The following UBE3A variants were observed in gnomAD, a reference collection of about 807,000 sequenced individuals.
UBE3A encodes ubiquitin protein ligase E3A, also known as ubiquitin-protein ligase E3A.
UBE3A carries 6 observed loss-of-function variants against 83.4 expected under a neutral mutation model. The observed-to-expected ratio is 0.07, with a 90% CI of 0.04 to 0.14. UBE3A has a LOEUF of 0.14. UBE3A is among the 10% of genes least tolerant of loss of function. The pLI is 1.00. For synonymous variants in UBE3A, 337 were observed against 355.4 expected, an observed-to-expected ratio of 0.95 and a Z score of 0.58; for missense variants, 456 against 1,036.1, an observed-to-expected ratio of 0.44 and a Z score of 7.69.
intron 4 of UBE3A, among the ~76,000 whole-genome samples, chr15:25,387,229 A>C (rs949391194): frequency 7.9e-5 from 12 of 152,242 alleles, no homozygotes; most frequent in African/African-American, 2.9e-4. Flanking sequence ...TTATTAGAAA[A>C]GAATTATCTA....
intron 4 of UBE3A, among the ~76,000 whole-genome samples, chr15:25,402,289 T>C (rs1214880778): frequency 6.6e-6 from 1 of 152,180 alleles, no homozygotes; most frequent in Non-Finnish European, 1.5e-5. Context: ...TCCTGGAGCC[T>C]TGGTACACAG....
chr15:25,336,957 T>G lies in UBE3A; in HGVS notation c.*2180A>C, dbSNP rs529050066. On this transcript the variant is annotated 3_prime_UTR_variant, in exon 13 of 13. Transcript: ENST00000648336. Reference sequence around the variant, plus strand: ...TGCTCTTCCTTATTGTTCAGGGACATTCCATTAAATAGTAATGAAAAGGCA... The same window carrying G: ...TGCTCTTCCTTATTGTTCAGGGACAGTCCATTAAATAGTAATGAAAAGGCA... 51 of 152,272 alleles carry G rather than the reference T, an allele frequency of 3.3e-4. No homozygotes were observed. The highest frequency in any genetic ancestry group is 1.2e-3 in the African/African-American group (48 of 41,566). The allele number at this position is 152,272 out of a possible 1,614,324, so 9.4% of individuals were successfully genotyped here.
intron 11 of UBE3A, among the ~76,000 whole-genome samples, chr15:25,343,302 A>T (rs1395082794): frequency 3.3e-5 from 5 of 152,250 alleles, no homozygotes; most frequent in Non-Finnish European, 7.3e-5. Flanking sequence ...AGAAAAATTC[A>T]GTCATAAACA....
At chr15:25,343,076 AAGCAAC>A (rs1312665913) in intron 11 of UBE3A, among the ~76,000 whole-genome samples, 3 of 152,154 alleles carry the variant, frequency 2.0e-5, no homozygotes, top group Admixed American at 1.3e-4. Flanking sequence ...GCCCTTACTA[AAGCAAC>A]AGAAGAGGGA....
intron 1 of UBE3A, chr15:25,418,425 T>C (rs1433688876): frequency 1.3e-5 from 2 of 152,116 alleles, no homozygotes; most frequent in African/African-American, 4.8e-5. Flanking sequence ...CCTTAACAGA[T>C]GAAGTCACAA....
At chr15:25,349,447 G>C (rs2076184564) in intron 11 of UBE3A, among the ~76,000 whole-genome samples, 2 of 151,760 alleles carry the variant, frequency 1.3e-5, no homozygotes. Flanking sequence ...AGACACTTAA[G>C]AAAATGAAAA....
intron 7 of UBE3A, among the ~76,000 whole-genome samples, chr15:25,360,099 C>T (rs751676760): frequency 1.3e-5 from 2 of 152,164 alleles, no homozygotes; most frequent in Non-Finnish European, 2.9e-5. Flanking sequence ...ATCCCTCCAA[C>T]TGTTCCAATA....
At chr15:25,362,924 T>TA (rs1422360440) in intron 6 of UBE3A, among the ~76,000 whole-genome samples, 2 of 152,194 alleles carry the variant, frequency 1.3e-5, no homozygotes, top group Admixed American at 6.5e-5. Context: ...ATCTGGTATT[T>TA]AGACTGTGCA....
chr15:25,427,184 AGAT>A (rs199513484), intron 1 of UBE3A, among the ~76,000 whole-genome samples: 1,746 of 152,330 alleles, frequency 0.011, 28 homozygotes, highest in Middle Eastern at 0.034. Context: ...AAAGAATGAC[AGAT>A]GATAAACATT....
At chr15:25,385,129 T>G (rs940708433) in intron 4 of UBE3A, among the ~76,000 whole-genome samples, 3 of 152,050 alleles carry the variant, frequency 2.0e-5, no homozygotes, top group African/African-American at 4.8e-5. Flanking sequence ...ACTCAAAAAT[T>G]TCTACAAAGC....
In UBE3A at chr15:25,398,771, TTATATATATATA is replaced by T. The variant is rs1159969391; in HGVS notation, c.62+6678_62+6689del. On this transcript the variant is annotated intron_variant, in intron 4 of 12. Transcript: ENST00000648336. ...CAGCGCACTGATTTTATTCTTTTAT[TTATATATATATA>T]TATATATATATATATATATATATAT... Among the ~76,000 whole-genome samples the T allele has an allele frequency of 3.0e-3, 209 of 68,948 alleles. 8 individuals are homozygous for T. Among genetic ancestry groups the T allele is most frequent in the African/African-American group, 5.1e-3 (114 of 22,376 alleles). 45.2% of individuals were successfully genotyped at this position (68,948 alleles called of 152,430 possible).
At chr15:25,417,249 A>C (rs556897116) in intron 1 of UBE3A, among the ~76,000 whole-genome samples, 1 of 152,104 alleles carries the variant, frequency 6.6e-6, no homozygotes, top group Non-Finnish European at 1.5e-5. Context: ...CTTAGGTAGG[A>C]GCTACTACCA....
intron 2 of UBE3A, among the ~76,000 whole-genome samples, chr15:25,409,644 TTTTG>T (rs1415013806): frequency 6.6e-6 from 1 of 152,178 alleles, no homozygotes; most frequent in African/African-American, 2.4e-5. Flanking sequence ...GGATGGATTT[TTTTG>T]TTTGTTTTGG....
chr15:25,406,047 A>G (rs2088455412), intron 3 of UBE3A, among the ~76,000 whole-genome samples: 1 of 152,242 alleles, frequency 6.6e-6, no homozygotes, highest in African/African-American at 2.4e-5. Context: ...CACTAAAAGA[A>G]CAGAGCTGAG....
intron 11 of UBE3A, among the ~76,000 whole-genome samples, chr15:25,341,783 C>CA (rs60827150): frequency 0.1 from 8,224 of 81,604 alleles, 536 homozygotes; most frequent in African/African-American, 0.2. Context: ...AATTTCATCT[C>CA]AAAAAAAAAA....
intron 11 of UBE3A, 50 bp from the exon 12 acceptor site, chr15:25,340,278 T>C: frequency 6.3e-7 from 1 of 1,576,780 alleles, no homozygotes; most frequent in Non-Finnish European, 8.7e-7. Context: ...TCATTATGAC[T>C]GGTACTAACA....
At chr15:25,409,523 TAA>T (rs34285975) in intron 2 of UBE3A, 16 of 145,236 alleles carry the variant, frequency 1.1e-4, no homozygotes, top group Middle Eastern at 3.5e-3. Context: ...TACTAAGAAT[TAA>T]AAAAAAAAAA....
chr15:25,408,619 C>G, intron 3 of UBE3A: 3 of 1,613,902 alleles, frequency 1.9e-6, no homozygotes, highest in Non-Finnish European at 2.5e-6. Flanking sequence ...TGGTGGCTCA[C>G]TTCCAATAAC....
Position 25,339,114 on chromosome 15 carries a change from G to GTTTTT in UBE3A, c.*22_*23insAAAAA. 1 of 1,363,994 alleles carries GTTTTT rather than the reference G, an allele frequency of 7.3e-7. No homozygotes were observed. The highest frequency in any genetic ancestry group is 9.6e-7 in the Non-Finnish European group (1 of 1,046,112). The allele number at this position is 1,363,994 out of a possible 1,614,324, so 84.5% of individuals were successfully genotyped here. On this transcript the variant is annotated 3_prime_UTR_variant, in exon 13 of 13. Coordinates refer to ENST00000648336, the MANE Select transcript of UBE3A (RefSeq NM_130839.5). ...TCTTTTTTTTTCCTTCCTTTTTTTT[G>GTTTTT]TTTTATTTTGTTTTGTTTTGTTTTA... is the stretch of plus-strand genomic sequence containing the variant.
Sources: allele counts gnomAD v4.1 joint callset (sites outside exome capture counted in the v4.1 genomes callset), GRCh38; gene constraint gnomAD v4.1.1; transcripts MANE v1.5; gene names NCBI Gene and HGNC (gene_info 2026-07-23, HGNC 2026-07-21).